Variants in ASB18 observed in about 807,000 individuals in gnomAD.
The protein encoded by ASB18 is ankyrin repeat and SOCS box protein 18.
A neutral mutation model predicts 33.4 loss-of-function variants in ASB18; 33 were observed. The ratio of observed to expected loss-of-function variants is 0.99; its 90% CI spans 0.75 to 1.32. ASB18 has a LOEUF of 1.32. Ranked by LOEUF, ASB18 falls within the 40% of genes most tolerant of loss-of-function variation. The pLI, the probability that ASB18 is intolerant of heterozygous loss-of-function variation, is 0.00. For synonymous variants in ASB18, 295 were observed against 307.6 expected (o/e 0.96, Z 0.43); for missense variants, 694 against 655.5 (o/e 1.06, Z -0.64).
At chr2:236,218,087 C>T (rs1053469961) in intron 3 of ASB18, among the ~76,000 whole-genome samples, 1 of 152,162 alleles carries the variant, frequency 6.6e-6, no homozygotes, top group African/African-American at 2.4e-5. Context: ...ACGTGCACAG[C>T]CTATAGCTGG....
chr2:236,209,273 CTTTTT>C lies in ASB18; in HGVS notation c.1101+5084_1101+5088del, dbSNP rs200717235. Among the ~76,000 whole-genome samples, 3 of 139,398 alleles carry C rather than the reference CTTTTT, an allele frequency of 2.2e-5. No homozygotes were observed. The highest frequency in any genetic ancestry group is 3.1e-5 in the Non-Finnish European group (2 of 63,858). 91.5% of individuals were successfully genotyped at this position (139,398 alleles called of 152,430 possible). The stretch of plus-strand genomic sequence containing the variant: ...GATTTGCAGATGTTTCTAGAATCTG[CTTTTT>C]TTTTTTTTTTTTAAGACAAGGTCTT... On this transcript the variant is annotated intron_variant, in intron 4 of 5. Transcript: ENST00000409749. This position sits in a 1 kb window ranked among gnomAD's most constrained non-coding sequence, Gnocchi z 4.4.
Position 236,195,675 on chromosome 2 carries a change from T to C in ASB18, c.1215+597A>G, listed in dbSNP as rs10170326. On this transcript the variant is annotated intron_variant, in intron 5 of 5. Transcript: ENST00000409749. The surrounding 1 kb of genome is among the most constrained non-coding windows in gnomAD (Gnocchi z 5.5). Reference sequence around the variant, plus strand: ...GCATTACAGGCGCTTGCCACCATGCTTGGGTAATTTCTGTATTTTCAGTAA... The same window carrying C: ...GCATTACAGGCGCTTGCCACCATGCCTGGGTAATTTCTGTATTTTCAGTAA... Among the ~76,000 whole-genome samples the C allele has an allele frequency of 0.15, 22,459 of 152,032 alleles. 1,953 individuals are homozygous for C. The highest frequency in any genetic ancestry group is 0.23 in the African/African-American group (9,455 of 41,430).
intron 4 of ASB18, among the ~76,000 whole-genome samples, chr2:236,201,203 G>A (rs1459088210): frequency 1.3e-5 from 2 of 151,464 alleles, no homozygotes; most frequent in African/African-American, 2.4e-5. Context: ...CTATGCTGCA[G>A]TGCAGTGGTG....
In ASB18 at chr2:236,245,612, C is replaced by T. The variant is rs2060641133; in HGVS notation, c.206-4210G>A. Reference sequence around the variant, plus strand: ...CGCTCATCCTCCAACACAGCTTAGCCTCCCTTGACCTCCAAGACCAGTCCT... The same window carrying T: ...CGCTCATCCTCCAACACAGCTTAGCTTCCCTTGACCTCCAAGACCAGTCCT... On this transcript the variant is annotated intron_variant, in intron 1 of 5. Transcript: ENST00000409749. The surrounding 1 kb of genome is among the most constrained non-coding windows in gnomAD (Gnocchi z 4.7). 6.6e-6 allele frequency among the ~76,000 whole-genome samples: 1 copy of T among 152,192 alleles called. No individual in the cohort carries two copies. The highest frequency in any genetic ancestry group is 1.9e-4 in the East Asian group (1 of 5,180).
In ASB18 at chr2:236,194,740, A is replaced by T; in HGVS notation, c.*132T>A. Reference sequence around the variant, plus strand: ...TGAAGCTTGGCAAGGTCTGTGCTTCACCCGGTCCCACGGAGAGCAAGTGGG... The same window carrying T: ...TGAAGCTTGGCAAGGTCTGTGCTTCTCCCGGTCCCACGGAGAGCAAGTGGG... On this transcript the variant is annotated 3_prime_UTR_variant, in exon 6 of 6. Transcript: ENST00000409749. This position sits in a 1 kb window ranked among gnomAD's most constrained non-coding sequence, Gnocchi z 4.5. 4 of 755,200 alleles carry T rather than the reference A, an allele frequency of 5.3e-6. No homozygotes were observed. The highest frequency in any genetic ancestry group is 8.3e-6 in the Non-Finnish European group (4 of 479,842). 46.8% of individuals were successfully genotyped at this position (755,200 alleles called of 1,614,324 possible).
Position 236,196,090 on chromosome 2 carries a change from G to A in ASB18, c.1215+182C>T. The A allele has an allele frequency of 1.6e-6, 1 of 637,952 alleles. No individual in the cohort carries two copies. Among genetic ancestry groups the A allele is most frequent in the Middle Eastern group, 2.6e-4 (1 of 3,826 alleles). The allele number at this position is 637,952 out of a possible 1,614,324, so 39.5% of individuals were successfully genotyped here. ...ACCGCAACTACTATAACAAGCTCCT[G>A]GCTGTGTGATTATGGAGCCTCCAGA... On this transcript the variant is annotated intron_variant, in intron 5 of 5. Transcript: ENST00000409749. This position sits in a 1 kb window ranked among gnomAD's most constrained non-coding sequence, Gnocchi z 5.6.
Position 236,237,622 on chromosome 2 carries a change from G to C in ASB18, c.596+67C>G. The C allele has an allele frequency of 7.8e-7, 1 of 1,275,098 alleles. No homozygotes were observed. The highest frequency in any genetic ancestry group is 3.3e-5 in the East Asian group (1 of 30,436). The allele number at this position is 1,275,098 out of a possible 1,614,324, so 79.0% of individuals were successfully genotyped here. A position where few individuals can be genotyped will look rare whatever the true frequency, so the allele number is the denominator to read the frequency against. ...AGGCGGAGGCGGGGTCGGCGGTCTC[G>C]TGGGGGGAGGCGGGCGTCTGGTCTC... is the stretch of plus-strand genomic sequence containing the variant. On this transcript the variant is annotated intron_variant, in intron 3 of 5. Transcript: ENST00000409749. This position sits in a 1 kb window ranked among gnomAD's most constrained non-coding sequence, Gnocchi z 6.2.
Position 236,211,102 on chromosome 2 carries a change from C to G in ASB18, c.1101+3260G>C, listed in dbSNP as rs930194249. ...CCTTTTATCCAGACCAAGCATCCAG[C>G]CCAAAAAGTCACCTGTGGCAGATGC... On this transcript the variant is annotated intron_variant, in intron 4 of 5. Coordinates refer to ENST00000409749, the MANE Select transcript of ASB18 (RefSeq NM_212556.4). This position sits in a 1 kb window ranked among gnomAD's most constrained non-coding sequence, Gnocchi z 5.0. Among the ~76,000 whole-genome samples the G allele has an allele frequency of 6.6e-6, 1 of 152,166 alleles. No homozygotes were observed. The highest frequency in any genetic ancestry group is 2.1e-4 in the South Asian group (1 of 4,826).
Position 236,264,129 on chromosome 2 carries a change from C to G in ASB18, c.205+12G>C. On this transcript the variant is annotated intron_variant, in intron 1 of 5. Transcript: ENST00000409749. The surrounding 1 kb of genome is among the most constrained non-coding windows in gnomAD (Gnocchi z 5.1). Reference sequence around the variant, plus strand: ...AATTAAATCCCAGATGCAGCAGGCTCGTTCTGGTTACCTAGCAGCATGCCG... The same window carrying G: ...AATTAAATCCCAGATGCAGCAGGCTGGTTCTGGTTACCTAGCAGCATGCCG... 1 of 1,612,408 alleles carries G rather than the reference C, an allele frequency of 6.2e-7. No homozygotes were observed. Among genetic ancestry groups the G allele is most frequent in the East Asian group, 2.2e-5 (1 of 44,876 alleles).
chr2:236,204,265 C>T lies in ASB18; in HGVS notation c.1102-7880G>A, dbSNP rs1300635875. ...CGCCAGTGGTCCATGCTCTGCCTCA[C>T]TTTACTTGCTGTGTCAGCCACGCCT... On this transcript the variant is annotated intron_variant, in intron 4 of 5. Coordinates refer to ENST00000409749, the MANE Select transcript of ASB18 (RefSeq NM_212556.4). The surrounding 1 kb of genome is among the most constrained non-coding windows in gnomAD (Gnocchi z 5.1). Among the ~76,000 whole-genome samples the T allele has an allele frequency of 6.6e-6, 1 of 152,214 alleles. No individual in the cohort carries two copies. Among genetic ancestry groups the T allele is most frequent in the Non-Finnish European group, 1.5e-5 (1 of 68,044 alleles).
At chr2:236,218,809 A>G (rs1388412862) in intron 3 of ASB18, among the ~76,000 whole-genome samples, 1 of 151,410 alleles carries the variant, frequency 6.6e-6, no homozygotes, top group East Asian at 1.9e-4. Context: ...AAAAAAAAAA[A>G]AAAAAAAGAA....
rs1471478262 is a variant in ASB18 at position 236,225,782 on chromosome 2, A to AAGGAAGC, written c.597-10923_597-10917dup. Among the ~76,000 whole-genome samples the AAGGAAGC allele has an allele frequency of 6.7e-6, 1 of 148,214 alleles. No individual in the cohort carries two copies. The highest frequency in any genetic ancestry group is 2.0e-4 in the East Asian group (1 of 5,090). On this transcript the variant is annotated intron_variant, in intron 3 of 5. Coordinates refer to ENST00000409749, the MANE Select transcript of ASB18 (RefSeq NM_212556.4). The surrounding 1 kb of genome is among the most constrained non-coding windows in gnomAD (Gnocchi z 5.1). ...CTGAATTCTGAAGCTTGCTGGTTGG[A>AAGGAAGC]AGGAAGCACAGGTAATTTTTTTTTT...
chr2:236,218,012 A>AT (rs1426502312), intron 3 of ASB18, among the ~76,000 whole-genome samples: 8 of 151,986 alleles, frequency 5.3e-5, no homozygotes, highest in Non-Finnish European at 1.0e-4. Flanking sequence ...TAAAGAAAAA[A>AT]TTTTTTTAAG....
chr2:236,237,787 G>A lies in ASB18; in HGVS notation c.498C>T (p.Ala166=). The change falls in exon 3 of 6, where the codon GCC becomes GCT. Residue 166 remains alanine, a synonymous_variant. Transcript: ENST00000409749. The surrounding 1 kb of genome is among the most constrained non-coding windows in gnomAD (Gnocchi z 6.2). ...GGTGCTGCAGCAGCAGGCGGACGCAGGCGGTGTGGCCCCCGAGGCAGGCCT... is the reference window on the plus strand; with the variant it reads ...GGTGCTGCAGCAGCAGGCGGACGCAAGCGGTGTGGCCCCCGAGGCAGGCCT... The part of the protein sequence containing the change: ...LHEACLGGHT[A]CVRLLLQHRA... 2 of 1,441,552 alleles carry A rather than the reference G, an allele frequency of 1.4e-6. No homozygotes were observed. Among genetic ancestry groups the A allele is most frequent in the East Asian group, 3.1e-5 (1 of 32,182 alleles). The allele number at this position is 1,441,552 out of a possible 1,614,324, so 89.3% of individuals were successfully genotyped here.
rs891354950 is a variant in ASB18 at position 236,204,981 on chromosome 2, A to G, written c.1102-8596T>C. The stretch of plus-strand genomic sequence containing the variant: ...AAATCCTGTTGGCTCTACCTCCAAA[A>G]TATATCCAGGGTCAGATCGCCTCCC... On this transcript the variant is annotated intron_variant, in intron 4 of 5. Coordinates refer to ENST00000409749, the MANE Select transcript of ASB18 (RefSeq NM_212556.4). This position sits in a 1 kb window ranked among gnomAD's most constrained non-coding sequence, Gnocchi z 5.1. Among the ~76,000 whole-genome samples the G allele has an allele frequency of 6.6e-6, 1 of 152,164 alleles. No homozygotes were observed. Among genetic ancestry groups the G allele is most frequent in the African/African-American group, 2.4e-5 (1 of 41,440 alleles).
Position 236,220,073 on chromosome 2 carries a change from C to T in ASB18, c.597-5207G>A, listed in dbSNP as rs1041697569. On this transcript the variant is annotated intron_variant, in intron 3 of 5. Transcript: ENST00000409749. The surrounding 1 kb of genome is among the most constrained non-coding windows in gnomAD (Gnocchi z 5.1). ...TGTTACAGGGGCCCAGGGTTAACAG[C>T]AGAAAGAAAAAGTAACTTGAGCCAA... Among the ~76,000 whole-genome samples the T allele has an allele frequency of 6.6e-6, 1 of 152,080 alleles. No individual in the cohort carries two copies. Among genetic ancestry groups the T allele is most frequent in the Non-Finnish European group, 1.5e-5 (1 of 68,020 alleles).
rs749251191 is a variant in ASB18 at position 236,214,500 on chromosome 2, C to A, written c.963G>T (p.Ala321=). The part of the protein sequence containing the change: ...LLLRHGADAG[A]LDYGGASPLG... ...GCGGCGAGGCCCCGCCATAGTCGAG[C>A]GCGCCCGCGTCGGCGCCGTGCCGCA... is the stretch of plus-strand genomic sequence containing the variant. The change falls in exon 4 of 6, where the codon GCG becomes GCT. Residue 321 remains alanine, a synonymous_variant. Transcript: ENST00000409749. The surrounding 1 kb of genome is among the most constrained non-coding windows in gnomAD (Gnocchi z 6.5). 12 of 1,496,372 alleles carry A rather than the reference C, an allele frequency of 8.0e-6. No individual in the cohort carries two copies. The African/African-American group carries it at 1.0e-4, about 13-fold the overall frequency. The allele number at this position is 1,496,372 out of a possible 1,614,324, so 92.7% of individuals were successfully genotyped here.
At position 236,213,501 on chromosome 2, in the gene ASB18, T is replaced by G. The variant is rs1215971506; in HGVS notation, c.1101+861A>C. ...TTGGTTGATGGAGATAATTTTTAAA[T>G]TAAACACACCCGGATTTTACATCTA... On this transcript the variant is annotated intron_variant, in intron 4 of 5. Transcript: ENST00000409749. The surrounding 1 kb of genome is among the most constrained non-coding windows in gnomAD (Gnocchi z 4.8). Among the ~76,000 whole-genome samples, 1 of 152,218 alleles carries G rather than the reference T, an allele frequency of 6.6e-6. No individual in the cohort carries two copies. Among genetic ancestry groups the G allele is most frequent in the East Asian group, 1.9e-4 (1 of 5,202 alleles).
intron 3 of ASB18, among the ~76,000 whole-genome samples, chr2:236,232,535 A>G (rs1302907525): frequency 6.6e-6 from 1 of 152,094 alleles, no homozygotes; most frequent in African/African-American, 2.4e-5. Flanking sequence ...AGAGAAAAAC[A>G]ATGAAACCAA....
Sources: gnomAD v4.1 joint callset for allele counts (sites outside exome capture counted in the v4.1 genomes callset) on GRCh38, gnomAD v4.1.1 for gene constraint, Gnocchi (gnomAD v3.1) non-coding constraint, MANE v1.5 for transcripts, NCBI Gene and HGNC (gene_info 2026-07-23, HGNC 2026-07-21) for gene names.